Variants in TTC7A observed in about 807,000 individuals in gnomAD.
TTC7A encodes tetratricopeptide repeat domain 7A, also known as tetratricopeptide repeat protein 7A.
TTC7A carries 110 observed loss-of-function variants against 103.7 expected under a neutral mutation model. The observed-to-expected ratio is 1.06, with a 90% CI of 0.91 to 1.24. TTC7A has a LOEUF of 1.24. Among genes scored for constraint, TTC7A ranks in the 50% most tolerant of loss-of-function variants. The pLI is 0.00. For missense variants in TTC7A, 1,340 were observed against 1,116.3 expected (o/e 1.20, Z -2.86); for synonymous variants, 521 against 467.9 (o/e 1.11, Z -1.47).
chr2:46,967,033 C>T (rs1441077322), intron 3 of TTC7A, among the ~76,000 whole-genome samples: 4 of 151,690 alleles, frequency 2.6e-5, no homozygotes, highest in African/African-American at 7.3e-5. Context: ...GCCAACATGG[C>T]GAAACCCCAT....
At chr2:47,040,600 G>A (rs911606668) in intron 15 of TTC7A, 1 of 152,246 alleles carries the variant, frequency 6.6e-6, no homozygotes, top group East Asian at 1.9e-4. Context: ...TAGTTCAACA[G>A]ACCAAGAAGC....
At chr2:46,993,352 C>G in intron 5 of TTC7A, 98 bp from the exon 6 acceptor site, 1 of 1,142,794 alleles carries the variant, frequency 8.8e-7, no homozygotes, top group South Asian at 1.3e-5. Flanking sequence ...AATAAAACTC[C>G]AGCAGTCAGC....
At chr2:47,054,879 G>A (rs912694901) in intron 18 of TTC7A, among the ~76,000 whole-genome samples, 1 of 151,390 alleles carries the variant, frequency 6.6e-6, no homozygotes, top group Non-Finnish European at 1.5e-5. Context: ...CTAGAAGAAG[G>A]GGAGAATACA....
intron 4 of TTC7A, among the ~76,000 whole-genome samples, chr2:46,978,403 C>G (rs1674083567): frequency 6.6e-6 from 1 of 152,140 alleles, no homozygotes; most frequent in African/African-American, 2.4e-5. Flanking sequence ...ACTAAATGAG[C>G]TAATGAATTT....
chr2:46,927,412 A>G (rs1283568770), intron 2 of TTC7A, among the ~76,000 whole-genome samples: 1 of 146,348 alleles, frequency 6.8e-6, no homozygotes, highest in Non-Finnish European at 1.5e-5. Flanking sequence ...GCTGGAGTGC[A>G]GTGGCGTGAT....
chr2:47,005,082 G>A (rs1056431898), intron 8 of TTC7A, among the ~76,000 whole-genome samples: 1 of 152,222 alleles, frequency 6.6e-6, no homozygotes, highest in Admixed American at 6.5e-5. Flanking sequence ...CAGCCATCTG[G>A]CAACTCTGTG....
chr2:46,936,363 A>T (rs1022695222), upstream of TTC7A, among the ~76,000 whole-genome samples: 1 of 152,162 alleles, frequency 6.6e-6, no homozygotes, highest in African/African-American at 2.4e-5. Context: ...CCCAGGGACA[A>T]ATTTTGTCTC....
chr2:46,999,533 T>G, intron 8 of TTC7A: 1 of 985,424 alleles, frequency 1.0e-6, no homozygotes, highest in Non-Finnish European at 1.2e-6. Flanking sequence ...AGACAACGAT[T>G]AACAGTTCAA....
chr2:46,961,776 A>C (rs1382171231), intron 3 of TTC7A, among the ~76,000 whole-genome samples: 2 of 151,672 alleles, frequency 1.3e-5, no homozygotes, highest in African/African-American at 4.8e-5. Context: ...TTAGCTGGTC[A>C]TGGTGGCATG....
chr2:46,970,216 T>A (rs1673235417), intron 3 of TTC7A, among the ~76,000 whole-genome samples: 1 of 152,154 alleles, frequency 6.6e-6, no homozygotes, highest in Admixed American at 6.5e-5. Context: ...CTCAAACTCC[T>A]AAGGTCAAGC....
intron 18 of TTC7A, among the ~76,000 whole-genome samples, chr2:47,059,309 G>A (rs1683583788): frequency 6.6e-6 from 1 of 151,940 alleles, no homozygotes; most frequent in Non-Finnish European, 1.5e-5. Flanking sequence ...GCGTGAGCCT[G>A]TAGCCCAGCC....
chr2:46,963,764 C>T (rs1354883688), intron 3 of TTC7A, among the ~76,000 whole-genome samples: 1 of 152,186 alleles, frequency 6.6e-6, no homozygotes, highest in Admixed American at 6.5e-5. Context: ...CTGTTGAGGT[C>T]TTCCTCAGCA....
At chr2:46,984,818 G>C (rs994493627) in intron 5 of TTC7A, among the ~76,000 whole-genome samples, 1 of 152,152 alleles carries the variant, frequency 6.6e-6, no homozygotes, top group East Asian at 1.9e-4. Flanking sequence ...TTCCAGCTTC[G>C]GGCCTGAGCG....
intron 4 of TTC7A, 56 bp downstream of exon 4, chr2:46,975,159 A>G (rs1040592431): frequency 1.6e-5 from 26 of 1,602,766 alleles, no homozygotes; most frequent in East Asian, 4.5e-5. Context: ...ACCTATGTCT[A>G]TGGATCCCAC....
intron 2 of TTC7A, among the ~76,000 whole-genome samples, chr2:46,930,084 A>G (rs1669610710): frequency 6.6e-6 from 1 of 152,132 alleles, no homozygotes; most frequent in Admixed American, 6.6e-5. Flanking sequence ...TTTACTATGT[A>G]TCATAACCTA....
At chr2:46,949,589 C>G (rs1289600562) in intron 1 of TTC7A, among the ~76,000 whole-genome samples, 1 of 152,202 alleles carries the variant, frequency 6.6e-6, no homozygotes, top group African/African-American at 2.4e-5. Context: ...GAGCTACCCT[C>G]ATTTGCGGGT....
At chr2:47,070,412 T>G (rs1429174377) in intron 19 of TTC7A, among the ~76,000 whole-genome samples, 1 of 152,224 alleles carries the variant, frequency 6.6e-6, no homozygotes, top group Non-Finnish European at 1.5e-5. Flanking sequence ...TGTGTGTGTG[T>G]GGGTGTCTCT....
intron 15 of TTC7A, among the ~76,000 whole-genome samples, chr2:47,042,946 G>A (rs2104681166): frequency 6.6e-6 from 1 of 152,302 alleles, no homozygotes; most frequent in East Asian, 1.9e-4. Flanking sequence ...ACTGCCAGCA[G>A]CCTCCCCCCA....
Position 47,069,988 on chromosome 2 carries a change from G to C in TTC7A, c.2356-3714G>C, listed in dbSNP as rs553911400. On this transcript the variant is annotated intron_variant, in intron 19 of 19. Transcript: ENST00000319190. ...CCCAAAATAACTTCTATAAATACTT[G>C]AGGGCAGGGGTGGGGAGGGAGGGCT... Among the ~76,000 whole-genome samples, 6 of 152,196 alleles carry C rather than the reference G, an allele frequency of 3.9e-5. No individual in the cohort carries two copies. In the South Asian group the frequency reaches 1.2e-3, roughly 32 times the overall value.
Sources: allele counts gnomAD v4.1 joint callset (sites outside exome capture counted in the v4.1 genomes callset), GRCh38; gene constraint gnomAD v4.1.1; transcripts MANE v1.5; gene names NCBI Gene and HGNC (gene_info 2026-07-23, HGNC 2026-07-21).